The following CDC25A variants were observed in gnomAD, a reference collection of about 807,000 sequenced individuals.
CDC25A encodes cell division cycle 25A.
In CDC25A, 17 loss-of-function variants were observed where a neutral mutation model predicts 64.6. The ratio of observed to expected loss-of-function variants is 0.26; its 90% CI spans 0.18 to 0.39. The LOEUF is 0.39. Ranked by LOEUF, CDC25A falls within the 10% of genes least tolerant of loss-of-function variation. The pLI is 1.00. For synonymous variants in CDC25A, 229 were observed against 238.6 expected (o/e 0.96, Z 0.37); for missense variants, 473 against 654.8 (o/e 0.72, Z 3.03).
chr3:48,171,825 G>A (rs1034093209), intron 9 of CDC25A, among the ~76,000 whole-genome samples: 1 of 152,158 alleles, frequency 6.6e-6, no homozygotes, highest in Non-Finnish European at 1.5e-5. Context: ...ATGTCCAGAA[G>A]GTGATTTATT....
Position 48,159,009 on chromosome 3 carries a change from T to C in CDC25A, c.1511A>G (p.Lys504Arg), listed in dbSNP as rs1457746097. The C allele has an allele frequency of 6.2e-7, 1 of 1,614,184 alleles. No individual in the cohort carries two copies. The highest frequency in any genetic ancestry group is 1.7e-5 in the Admixed American group (1 of 60,020). The change falls in exon 15 of 15, where the codon AAG becomes AGG. Residue 504 changes from lysine to arginine, a missense_variant. Around this residue, in one of 2 missense-constraint regions of CDC25A, gnomAD observed 97 missense variants for 223.0 expected, o/e 0.43. Transcript: ENST00000302506. ...CTTCTCCCCTGCCCAGGTCCGGCTC[T>C]TGGTGCGGAACTTCTTCAGGTCTTC... ...FKEDLKKFRT[K>R]SRTWAGEKSK...
At chr3:48,169,266 A>G (rs2032177124) in intron 9 of CDC25A, among the ~76,000 whole-genome samples, 1 of 152,198 alleles carries the variant, frequency 6.6e-6, no homozygotes. Flanking sequence ...AGAATGTAAA[A>G]ACTGCAGTAT....
chr3:48,184,781 G>T, intron 2 of CDC25A, 86 bp from the exon 3 acceptor site: 1 of 959,202 alleles, frequency 1.0e-6, no homozygotes, highest in East Asian at 2.6e-5. Flanking sequence ...AAAGTACCTG[G>T]GTCTTTATTT....
chr3:48,171,973 C>T (rs1266245383), intron 9 of CDC25A, among the ~76,000 whole-genome samples: 2 of 151,974 alleles, frequency 1.3e-5, no homozygotes, highest in Admixed American at 6.6e-5. Context: ...CTGGGCAACA[C>T]AGTAAGACCT....
Position 48,188,026 on chromosome 3 carries a change from C to T in CDC25A, c.-79G>A, listed in dbSNP as rs1358579580. On this transcript the variant is annotated 5_prime_UTR_variant, in exon 1 of 15. Transcript: ENST00000302506. ...GACCGCCCCGCCCCGCCGACACCGG[C>T]CTCGGCCGCGCGCCACCGGCGCCCG... is the stretch of plus-strand genomic sequence containing the variant. 1.2e-5 allele frequency: 14 copies of T among 1,190,560 alleles called. No homozygotes were observed. Among genetic ancestry groups the T allele is most frequent in the African/African-American group, 1.6e-5 (1 of 62,226 alleles). 73.7% of individuals were successfully genotyped at this position (1,190,560 alleles called of 1,614,324 possible). A position where few individuals can be genotyped will look rare whatever the true frequency, so the allele number is the denominator to read the frequency against.
At chr3:48,163,943 C>A (rs978702744) in intron 13 of CDC25A, among the ~76,000 whole-genome samples, 2 of 152,182 alleles carry the variant, frequency 1.3e-5, no homozygotes, top group Admixed American at 1.3e-4. Flanking sequence ...AGCTCTTTGG[C>A]CCCCTTTTTT....
At position 48,159,329 on chromosome 3, in the gene CDC25A, C is replaced by T; in HGVS notation, c.1434+15G>A. On this transcript the variant is annotated intron_variant, in intron 14 of 14. Transcript: ENST00000302506. ...GGCAGGGGAGGAGAGATGCTCTCCA[C>T]AACCCCAGTCTTACCTGGCATTTCA... is the stretch of plus-strand genomic sequence containing the variant. 1.9e-6 allele frequency: 3 copies of T among 1,565,404 alleles called. No individual in the cohort carries two copies. Among genetic ancestry groups the T allele is most frequent in the Non-Finnish European group, 2.6e-6 (3 of 1,135,854 alleles).
At chr3:48,169,135 T>C (rs1209935662) in intron 9 of CDC25A, among the ~76,000 whole-genome samples, 1 of 152,242 alleles carries the variant, frequency 6.6e-6, no homozygotes, top group Non-Finnish European at 1.5e-5. Context: ...TGGTAGGGCA[T>C]TATTTGGAAA....
Position 48,174,429 on chromosome 3 carries a change from G to C in CDC25A, c.785C>G (p.Pro262Arg), listed in dbSNP as rs1344994486. ...LDNRCKLFDS[P>R]SLCSSSTRSV... ...CCGAGTGCTGGAGCTACACAGGGAA[G>C]GGGAGTCAAACAGCTTGCATCGGTT... Residue 262 changes from proline (P) to arginine (R), a missense_variant, in exon 9 of 15, where the codon CCT becomes CGT. This residue lies in a region of CDC25A where 376 missense variants were observed against 431.9 expected (regional missense o/e 0.87). Coordinates refer to ENST00000302506, the MANE Select transcript of CDC25A (RefSeq NM_001789.3). The C allele has an allele frequency of 1.9e-6, 3 of 1,612,754 alleles. No homozygotes were observed. The highest frequency in any genetic ancestry group is 1.7e-5 in the Admixed American group (1 of 59,644).
chr3:48,187,755 A>T (rs965946200), intron 1 of CDC25A, 23 bp downstream of exon 1: 3 of 1,525,628 alleles, frequency 2.0e-6, no homozygotes, highest in Non-Finnish European at 2.6e-6. Flanking sequence ...GGCCCGGAGC[A>T]CCGCCCGCCG....
At chr3:48,171,222 A>C (rs1004470197) in intron 9 of CDC25A, among the ~76,000 whole-genome samples, 2 of 151,760 alleles carry the variant, frequency 1.3e-5, no homozygotes, top group African/African-American at 2.4e-5. Flanking sequence ...AAATACAAAA[A>C]AAATTAGCCA....
At chr3:48,167,738 T>G in intron 10 of CDC25A, 108 bp downstream of exon 10, 1 of 687,280 alleles carries the variant, frequency 1.5e-6, no homozygotes, top group Non-Finnish European at 2.7e-6. Context: ...AACTGTGTCC[T>G]TTTGGAGGTA....
intron 8 of CDC25A, chr3:48,174,676 T>G (rs762061129): frequency 2.5e-6 from 1 of 406,100 alleles, no homozygotes; most frequent in Non-Finnish European, 4.3e-6. Flanking sequence ...CAGCTGACAT[T>G]ATATAGAGAT....
intron 9 of CDC25A, among the ~76,000 whole-genome samples, chr3:48,173,172 C>T (rs1325722072): frequency 4.8e-5 from 7 of 146,018 alleles, no homozygotes; most frequent in Non-Finnish European, 8.9e-5. Flanking sequence ...GAGCTGAGAT[C>T]GCGCCACTGC....
In CDC25A at chr3:48,157,670, G is replaced by A. The variant is rs1438520723; in HGVS notation, c.*1275C>T. ...TCCCACTTTTATGGAGTTAGATAAG[G>A]GGACAACCGGTGATGATTCATCACT... On this transcript the variant is annotated 3_prime_UTR_variant, in exon 15 of 15. Transcript: ENST00000302506. 1 of 152,506 alleles carries A rather than the reference G, an allele frequency of 6.6e-6. No homozygotes were observed. Among genetic ancestry groups the A allele is most frequent in the African/African-American group, 2.4e-5 (1 of 41,400 alleles). 9.4% of individuals were successfully genotyped at this position (152,506 alleles called of 1,614,324 possible).
rs569373245 is a variant in CDC25A at position 48,167,841 on chromosome 3, A to G, written c.1029+5T>C. ...ACTTGCCAGAGCAGCTCTGCTTGCAATTACCTTGGAGAAGTCTCCTATAAG... is the reference window on the plus strand; with the variant it reads ...ACTTGCCAGAGCAGCTCTGCTTGCAGTTACCTTGGAGAAGTCTCCTATAAG... On this transcript the variant is annotated splice_donor_5th_base_variant and intron_variant, in intron 10 of 14. Transcript: ENST00000302506. The G allele has an allele frequency of 7.4e-6, 11 of 1,494,590 alleles. No individual in the cohort carries two copies. In the South Asian group the frequency reaches 1.0e-4, roughly 14 times the overall value. 92.6% of individuals were successfully genotyped at this position (1,494,590 alleles called of 1,614,324 possible).
chr3:48,176,320 T>A (rs1421279785), intron 8 of CDC25A, among the ~76,000 whole-genome samples: 1 of 151,996 alleles, frequency 6.6e-6, no homozygotes, highest in Non-Finnish European at 1.5e-5. Flanking sequence ...GGTGTATATA[T>A]CTGTATAGGC....
rs1047846409 is a variant in CDC25A at position 48,157,694 on chromosome 3, C to A, written c.*1251G>T. 6.5e-6 allele frequency: 1 copy of A among 152,672 alleles called. No homozygotes were observed. The highest frequency in any genetic ancestry group is 2.1e-4 in the South Asian group (1 of 4,830). 9.5% of individuals were successfully genotyped at this position (152,672 alleles called of 1,614,324 possible). On this transcript the variant is annotated 3_prime_UTR_variant, in exon 15 of 15. Coordinates refer to ENST00000302506, the MANE Select transcript of CDC25A (RefSeq NM_001789.3). The stretch of plus-strand genomic sequence containing the variant: ...GGGGACAACCGGTGATGATTCATCA[C>A]TCCCTGTCTCTAAAATTAAAACATG...
intron 8 of CDC25A, among the ~76,000 whole-genome samples, chr3:48,176,531 GTATATATATA>G (rs55938075): frequency 7.2e-5 from 10 of 138,106 alleles, no homozygotes; most frequent in Admixed American, 1.5e-4. Context: ...GTGTGTGTGA[GTATATATATA>G]TATATATATA....
Sources: gnomAD v4.1 joint callset for allele counts (sites outside exome capture counted in the v4.1 genomes callset) on GRCh38, gnomAD v4.1.1 for gene constraint, gnomAD v4.1.1 regional missense constraint, MANE v1.5 for transcripts, NCBI Gene and HGNC (gene_info 2026-07-23, HGNC 2026-07-21) for gene names.